Variants in OSBPL1A observed in about 807,000 individuals in gnomAD.
The protein encoded by OSBPL1A is oxysterol binding protein like 1A.
A neutral mutation model predicts 137.1 loss-of-function variants in OSBPL1A; 80 were observed. That is an observed-to-expected ratio of 0.58 (90% CI 0.49 to 0.70). OSBPL1A has a LOEUF of 0.70. Among genes scored for constraint, OSBPL1A ranks in the 30% least tolerant of loss-of-function variants. The pLI is 0.00. For synonymous variants in OSBPL1A, 365 were observed against 389.7 expected (o/e 0.94, Z 0.75); for missense variants, 970 against 1,129.4 (o/e 0.86, Z 2.02).
intron 2 of OSBPL1A, 102 bp from the exon 3 acceptor site, chr18:24,368,474 A>T: frequency 1.2e-6 from 1 of 842,458 alleles, no homozygotes; most frequent in Non-Finnish European, 2.0e-6. Flanking sequence ...CTCCTTTGCA[A>T]TGCATTGCTG....
intron 14 of OSBPL1A, among the ~76,000 whole-genome samples, chr18:24,286,179 A>G (rs907116594): frequency 2.0e-5 from 3 of 152,144 alleles, no homozygotes; most frequent in African/African-American, 7.2e-5. Context: ...AACAAAATGG[A>G]CTTTCATATC....
intron 15 of OSBPL1A, among the ~76,000 whole-genome samples, chr18:24,269,850 T>TAA (rs1555641826): frequency 2.3e-5 from 1 of 43,910 alleles, no homozygotes; most frequent in Non-Finnish European, 5.2e-5. Flanking sequence ...ATGACAAGCC[T>TAA]AACACACACA....
At chr18:24,245,812 CCATCT>C (rs1389511722) in intron 15 of OSBPL1A, among the ~76,000 whole-genome samples, 6 of 152,220 alleles carry the variant, frequency 3.9e-5, no homozygotes, top group Admixed American at 1.3e-4. Context: ...TGTCCTCCTT[CCATCT>C]CATCTCATCA....
At chr18:24,341,232 C>A (rs1176568893) in intron 5 of OSBPL1A, among the ~76,000 whole-genome samples, 1 of 152,124 alleles carries the variant, frequency 6.6e-6, no homozygotes, top group Non-Finnish European at 1.5e-5. Context: ...GTCTAGAACT[C>A]CTAACCTCAA....
chr18:24,293,115 A>G (rs1325783304), intron 14 of OSBPL1A, among the ~76,000 whole-genome samples: 2 of 143,532 alleles, frequency 1.4e-5, no homozygotes, highest in African/African-American at 5.3e-5. Context: ...AAAAAAAAAA[A>G]AAAAAAAAAA....
At chr18:24,182,875 CT>C (rs1381758998) in intron 18 of OSBPL1A, among the ~76,000 whole-genome samples, 55 of 146,128 alleles carry the variant, frequency 3.8e-4, no homozygotes, top group Admixed American at 6.9e-4. Context: ...TTCTATTTTT[CT>C]TTTTTTTTTT....
At chr18:24,329,266 G>A (rs180982426) in intron 7 of OSBPL1A, among the ~76,000 whole-genome samples, 2 of 152,080 alleles carry the variant, frequency 1.3e-5, no homozygotes, top group Non-Finnish European at 2.9e-5. Context: ...ATTTTTAAAA[G>A]ACATTAGGTG....
intron 15 of OSBPL1A, among the ~76,000 whole-genome samples, chr18:24,262,250 A>G (rs2089460400): frequency 6.6e-6 from 1 of 152,218 alleles, no homozygotes. Flanking sequence ...ACTTTCTCAG[A>G]TGTCTGGTAT....
At chr18:24,306,368 T>C (rs1278526890) in intron 13 of OSBPL1A, among the ~76,000 whole-genome samples, 1 of 152,174 alleles carries the variant, frequency 6.6e-6, no homozygotes, top group Non-Finnish European at 1.5e-5. Flanking sequence ...GGTGAATAGC[T>C]AGAGAGGAAT....
intron 4 of OSBPL1A, among the ~76,000 whole-genome samples, chr18:24,354,708 T>A (rs1416709069): frequency 1.6e-5 from 2 of 123,176 alleles, no homozygotes; most frequent in Non-Finnish European, 3.2e-5. Flanking sequence ...AGCTGTATAA[T>A]GACATCAGTG....
chr18:24,291,040 A>AC (rs879798612), intron 14 of OSBPL1A, among the ~76,000 whole-genome samples: 5 of 152,190 alleles, frequency 3.3e-5, no homozygotes, highest in East Asian at 3.8e-4. Flanking sequence ...CTCTATATGG[A>AC]CACCTCCAAA....
chr18:24,369,444 A>C (rs1905438700), intron 2 of OSBPL1A, among the ~76,000 whole-genome samples: 1 of 152,154 alleles, frequency 6.6e-6, no homozygotes, highest in African/African-American at 2.4e-5. Context: ...TCCCAAAGTC[A>C]CCTGCCTTGA....
intron 7 of OSBPL1A, among the ~76,000 whole-genome samples, chr18:24,323,324 G>T (rs983431344): frequency 3.3e-5 from 5 of 150,782 alleles, no homozygotes; most frequent in African/African-American, 1.2e-4. Flanking sequence ...AGGCTGAGGT[G>T]GGTGGATCGC....
intron 14 of OSBPL1A, among the ~76,000 whole-genome samples, chr18:24,282,142 A>G (rs1368332691): frequency 2.6e-5 from 4 of 151,800 alleles, no homozygotes; most frequent in Non-Finnish European, 5.9e-5. Context: ...TGGTGCCAAA[A>G]AAGTTGGGGA....
intron 15 of OSBPL1A, among the ~76,000 whole-genome samples, chr18:24,251,245 C>T (rs1386250772): frequency 6.6e-6 from 1 of 152,124 alleles, no homozygotes; most frequent in Non-Finnish European, 1.5e-5. Context: ...TACGTAGATC[C>T]CTGAGGTCTT....
chr18:24,394,685 CAATT>C (rs778872120), intron 1 of OSBPL1A, among the ~76,000 whole-genome samples: 13 of 152,218 alleles, frequency 8.5e-5, no homozygotes, highest in Admixed American at 2.6e-4. Flanking sequence ...CTTTCAAACT[CAATT>C]AAACTCATGT....
chr18:24,252,563 T>C lies in OSBPL1A; in HGVS notation c.1282-13181A>G, dbSNP rs188499946. On this transcript the variant is annotated intron_variant, in intron 15 of 27. Coordinates refer to ENST00000319481, the MANE Select transcript of OSBPL1A (RefSeq NM_080597.4). ...GATTTCATCAACACCAGACGTGTCC[T>C]ACAAGAAATGCTGAGAGGAGGTCTT... Among the ~76,000 whole-genome samples, 3 of 151,830 alleles carry C rather than the reference T, an allele frequency of 2.0e-5. No homozygotes were observed. The East Asian group carries it at 5.8e-4, about 29-fold the overall frequency.
chr18:24,343,014 T>C (rs1306420597), intron 4 of OSBPL1A, among the ~76,000 whole-genome samples: 1 of 152,060 alleles, frequency 6.6e-6, no homozygotes, highest in Non-Finnish European at 1.5e-5. Context: ...TTTCATGCTT[T>C]ACCTAAATAG....
At chr18:24,269,161 T>TTG in intron 15 of OSBPL1A, among the ~76,000 whole-genome samples, 1 of 152,312 alleles carries the variant, frequency 6.6e-6, no homozygotes, top group Non-Finnish European at 1.5e-5. Flanking sequence ...CTGCACCTGG[T>TTG]CGTCCTGTTT....
Sources: allele counts gnomAD v4.1 joint callset (sites outside exome capture counted in the v4.1 genomes callset), GRCh38; gene constraint gnomAD v4.1.1; transcripts MANE v1.5; gene names NCBI Gene and HGNC (gene_info 2026-07-23, HGNC 2026-07-21).